The following GRM8 variants were observed in gnomAD, a reference collection of about 807,000 sequenced individuals.
The protein encoded by GRM8 is metabotropic glutamate receptor 8.
In GRM8, 47 loss-of-function variants were observed where a neutral mutation model predicts 87.2. That is an observed-to-expected ratio of 0.54 (90% CI 0.43 to 0.69). The LOEUF (loss-of-function observed/expected upper bound fraction) is 0.69. GRM8 is among the 30% of genes least tolerant of loss of function. The pLI is 0.00. For synonymous variants in GRM8, 396 were observed against 404.5 expected (o/e 0.98, Z 0.25); for missense variants, 1,019 against 1,139.2 (o/e 0.89, Z 1.52).
At chr7:126,525,480 C>G (rs1260001226) in intron 9 of GRM8, among the ~76,000 whole-genome samples, 2 of 152,132 alleles carry the variant, frequency 1.3e-5, no homozygotes, top group African/African-American at 4.8e-5. Flanking sequence ...AAGTGAGGAG[C>G]CCAGCTGGCC....
chr7:126,531,267 T>A (rs905772399), intron 9 of GRM8, among the ~76,000 whole-genome samples: 3 of 152,240 alleles, frequency 2.0e-5, no homozygotes, highest in Non-Finnish European at 4.4e-5. Flanking sequence ...AGAGTTAGCA[T>A]TTCTTAATTG....
intron 6 of GRM8, among the ~76,000 whole-genome samples, chr7:126,786,888 CTG>C (rs1288303036): frequency 6.6e-6 from 1 of 152,164 alleles, no homozygotes; most frequent in Admixed American, 6.6e-5. Context: ...AACTGTATGA[CTG>C]TTTTACTCTT....
intron 6 of GRM8, among the ~76,000 whole-genome samples, chr7:126,887,211 GCTAA>G (rs1800580150): frequency 6.6e-6 from 1 of 152,138 alleles, no homozygotes. Flanking sequence ...GAAACGTGTA[GCTAA>G]CTGATAGCTT....
chr7:126,493,445 T>C (rs1278417656), intron 9 of GRM8, among the ~76,000 whole-genome samples: 2 of 152,136 alleles, frequency 1.3e-5, no homozygotes, highest in East Asian at 2.0e-4. Context: ...GAGAGTAGCA[T>C]GTACCAAAAG....
chr7:127,251,223 G>C (rs377348147), intron 1 of GRM8: 1 of 152,188 alleles, frequency 6.6e-6, no homozygotes, highest in Non-Finnish European at 1.5e-5. Flanking sequence ...TTTGGGCCAC[G>C]GGGGAAGTAA....
At chr7:126,713,408 G>C (rs1811340843) in intron 7 of GRM8, among the ~76,000 whole-genome samples, 1 of 152,040 alleles carries the variant, frequency 6.6e-6, no homozygotes, top group African/African-American at 2.4e-5. Flanking sequence ...AGAACACATG[G>C]ACACAGGGAG....
At chr7:126,551,962 C>T (rs2150931127) in intron 8 of GRM8, among the ~76,000 whole-genome samples, 1 of 152,230 alleles carries the variant, frequency 6.6e-6, no homozygotes, top group Middle Eastern at 3.4e-3. Context: ...CCCAATCTAC[C>T]TTTTGAGCAT....
chr7:127,032,188 A>C (rs1305908884), intron 3 of GRM8, among the ~76,000 whole-genome samples: 3 of 152,172 alleles, frequency 2.0e-5, no homozygotes, highest in Admixed American at 6.5e-5. Flanking sequence ...AGCACTTTTC[A>C]AAGCTACAGT....
rs776614215 is a variant in GRM8, at chr7:127,106,666, T to A, written c.557A>T (p.Asn186Ile). The change falls in exon 3 of 11, where the codon AAC (asparagine) becomes ATC (isoleucine). Residue 186 changes from asparagine to isoleucine, a missense_variant. Transcript: ENST00000339582. ...TCGAGAGAAAAAGTCATACCTGGTGTTATCACTTAGCTCTGGGGCTGTGGA... is the reference window on the plus strand; with the variant it reads ...TCGAGAGAAAAAGTCATACCTGGTGATATCACTTAGCTCTGGGGCTGTGGA... ...YASTAPELSD[N>I]TRYDFFSRVV... 9.9e-6 allele frequency: 16 copies of A among 1,613,922 alleles called. No homozygotes were observed. The South Asian group carries it at 1.6e-4, about 17-fold the overall frequency.
At chr7:126,647,466 T>G (rs893636237) in intron 7 of GRM8, among the ~76,000 whole-genome samples, 2 of 152,058 alleles carry the variant, frequency 1.3e-5, no homozygotes, top group South Asian at 2.1e-4. Context: ...TAGTCAAATA[T>G]CTAACTCAGC....
chr7:127,026,311 G>A (rs1350727833), intron 3 of GRM8, among the ~76,000 whole-genome samples: 2 of 152,048 alleles, frequency 1.3e-5, no homozygotes, highest in Admixed American at 6.6e-5. Context: ...ATAAACATAC[G>A]TGTGCATGTG....
At chr7:126,471,485 A>G (rs1805219565) in intron 9 of GRM8, among the ~76,000 whole-genome samples, 1 of 151,930 alleles carries the variant, frequency 6.6e-6, no homozygotes, top group Non-Finnish European at 1.5e-5. Flanking sequence ...AGGTTTGTCA[A>G]AGATCAGATA....
chr7:126,594,657 T>C (rs928279351), intron 8 of GRM8, among the ~76,000 whole-genome samples: 12 of 152,104 alleles, frequency 7.9e-5, no homozygotes, highest in Non-Finnish European at 1.5e-4. Context: ...AGATCTATTG[T>C]ACAGCATAGT....
At chr7:127,080,080 T>C (rs1822691866) in intron 3 of GRM8, among the ~76,000 whole-genome samples, 1 of 152,198 alleles carries the variant, frequency 6.6e-6, no homozygotes. Flanking sequence ...GCTATCCAGC[T>C]GAATTTGAGA....
At chr7:126,984,090 A>T (rs1811807618) in intron 3 of GRM8, among the ~76,000 whole-genome samples, 1 of 152,154 alleles carries the variant, frequency 6.6e-6, no homozygotes, top group Non-Finnish European at 1.5e-5. Flanking sequence ...CTTCATATCC[A>T]TATCAGTATT....
chr7:127,151,442 A>T (rs1284089062), intron 2 of GRM8, among the ~76,000 whole-genome samples: 1 of 152,022 alleles, frequency 6.6e-6, no homozygotes, highest in Non-Finnish European at 1.5e-5. Flanking sequence ...TCTTCCAAAG[A>T]TCTGTTTGTG....
chr7:127,095,515 T>G (rs1001561304), intron 3 of GRM8: 1 of 152,196 alleles, frequency 6.6e-6, no homozygotes, highest in Non-Finnish European at 1.5e-5. Context: ...CACTAGATAT[T>G]TTACACATAT....
intron 3 of GRM8, among the ~76,000 whole-genome samples, chr7:126,983,165 T>C (rs1180432343): frequency 1.3e-5 from 2 of 152,106 alleles, no homozygotes; most frequent in African/African-American, 4.8e-5. Flanking sequence ...TCTCCTGGTG[T>C]TCCTCCCTCT....
chr7:127,116,173 T>C (rs17867156), intron 2 of GRM8, among the ~76,000 whole-genome samples: 1,982 of 152,344 alleles, frequency 0.013, 35 homozygotes, highest in African/African-American at 0.045. Flanking sequence ...TTCTCTAGTT[T>C]ATAGCATCTC....
Sources: gnomAD v4.1 joint callset for allele counts (sites outside exome capture counted in the v4.1 genomes callset) on GRCh38, gnomAD v4.1.1 for gene constraint, MANE v1.5 for transcripts, NCBI Gene and HGNC (gene_info 2026-07-23, HGNC 2026-07-21) for gene names.